The following FGF12 variants were observed in gnomAD, a reference collection of about 807,000 sequenced individuals.
FGF12 encodes fibroblast growth factor 12B.
In FGF12, 14 loss-of-function variants were observed where a neutral mutation model predicts 23.6. The ratio of observed to expected loss-of-function variants is 0.59; its 90% CI spans 0.39 to 0.93. FGF12 has a LOEUF of 0.93. FGF12 is among the 40% of genes least tolerant of loss of function. The pLI, the probability that FGF12 is intolerant of heterozygous loss-of-function variation, is 0.00. For synonymous variants in FGF12, 62 were observed against 77.3 expected, an observed-to-expected ratio of 0.80 and a Z score of 1.04; for missense variants, 175 against 217.8, an observed-to-expected ratio of 0.80 and a Z score of 1.24.
At chr3:192,179,588 C>G (rs558517743) in intron 4 of FGF12, among the ~76,000 whole-genome samples, 1 of 150,050 alleles carries the variant, frequency 6.7e-6, no homozygotes, top group South Asian at 2.1e-4. Context: ...CTCTGTCACT[C>G]AGGCTGGAGT....
intron 2 of FGF12, among the ~76,000 whole-genome samples, chr3:192,507,364 CACACACACACACACACAT>C (rs1316732404): frequency 2.0e-5 from 3 of 150,944 alleles, no homozygotes; most frequent in African/African-American, 7.3e-5. Context: ...CACACACACA[CACACACACACACACACAT>C]ACAAGCACAC....
intron 2 of FGF12, among the ~76,000 whole-genome samples, chr3:192,634,424 T>C (rs995060896): frequency 1.3e-5 from 2 of 152,208 alleles, no homozygotes; most frequent in Non-Finnish European, 2.9e-5. Flanking sequence ...AGACATGATT[T>C]AAATTATACA....
At chr3:192,663,788 G>GA (rs1306251444) in intron 2 of FGF12, among the ~76,000 whole-genome samples, 1,502 of 140,032 alleles carry the variant, frequency 0.011, 22 homozygotes, top group African/African-American at 0.029. Flanking sequence ...AGATGCTAAA[G>GA]AAAAAAAAAA....
intron 2 of FGF12, among the ~76,000 whole-genome samples, chr3:192,472,124 C>T (rs1723191426): frequency 6.6e-6 from 1 of 152,096 alleles, no homozygotes; most frequent in African/African-American, 2.4e-5. Flanking sequence ...TCAAGCAATT[C>T]TCCTGCCTCA....
chr3:192,257,078 C>A (rs1268481923), intron 4 of FGF12, among the ~76,000 whole-genome samples: 2 of 152,096 alleles, frequency 1.3e-5, no homozygotes, highest in Non-Finnish European at 2.9e-5. Context: ...ACTGTAAGAG[C>A]AATCTGTGCA....
intron 2 of FGF12, among the ~76,000 whole-genome samples, chr3:192,560,100 T>G (rs1711949932): frequency 6.6e-6 from 1 of 152,082 alleles, no homozygotes; most frequent in African/African-American, 2.4e-5. Context: ...ATCTTCAATA[T>G]TTTGAAACGA....
intron 2 of FGF12, among the ~76,000 whole-genome samples, chr3:192,712,868 G>C (rs990141521): frequency 6.6e-5 from 10 of 152,054 alleles, no homozygotes; most frequent in Non-Finnish European, 1.2e-4. Context: ...AAGAGACCCT[G>C]GGACCAAAGC....
intron 4 of FGF12, among the ~76,000 whole-genome samples, chr3:192,207,040 GA>G (rs1269348155): frequency 2.0e-5 from 3 of 152,000 alleles, no homozygotes; most frequent in African/African-American, 2.4e-5. Context: ...ATTATATTGG[GA>G]AAAAAATAAC....
At chr3:192,373,286 A>AT (rs10662970) in intron 2 of FGF12, among the ~76,000 whole-genome samples, 8,170 of 141,476 alleles carry the variant, frequency 0.058, 653 homozygotes, top group African/African-American at 0.18. Context: ...GGAAGCAAAC[A>AT]TTTTTTTTTT....
intron 2 of FGF12, among the ~76,000 whole-genome samples, chr3:192,524,769 C>A (rs549914065): frequency 6.6e-6 from 1 of 152,056 alleles, no homozygotes; most frequent in Non-Finnish European, 1.5e-5. Flanking sequence ...TCTCTTTTTT[C>A]CCTTCCACAA....
At chr3:192,481,937 A>T (rs1227563217) in intron 2 of FGF12, among the ~76,000 whole-genome samples, 1 of 152,212 alleles carries the variant, frequency 6.6e-6, no homozygotes, top group African/African-American at 2.4e-5. Flanking sequence ...ACTGCTGGGT[A>T]TTCAAGCATA....
intron 4 of FGF12, among the ~76,000 whole-genome samples, chr3:192,209,373 T>A (rs1717816440): frequency 6.6e-6 from 1 of 152,168 alleles, no homozygotes; most frequent in South Asian, 2.1e-4. Flanking sequence ...GTTCCTAGTG[T>A]CCTCTGGGAA....
At chr3:192,367,634 T>A (rs987848627) in intron 2 of FGF12, among the ~76,000 whole-genome samples, 1 of 152,210 alleles carries the variant, frequency 6.6e-6, no homozygotes, top group Non-Finnish European at 1.5e-5. Context: ...GCAACTCTAC[T>A]GATCTATGGG....
chr3:192,704,836 T>C (rs1718416906), intron 2 of FGF12, among the ~76,000 whole-genome samples: 1 of 152,266 alleles, frequency 6.6e-6, no homozygotes, highest in Non-Finnish European at 1.5e-5. Context: ...CTGCAGCTTC[T>C]ACATTAGCAC....
chr3:192,260,295 CA>C (rs1712668532), intron 4 of FGF12, among the ~76,000 whole-genome samples: 1 of 152,130 alleles, frequency 6.6e-6, no homozygotes, highest in South Asian at 2.1e-4. Context: ...CTGGCTTTCC[CA>C]ATTAGGTTGT....
intron 2 of FGF12, among the ~76,000 whole-genome samples, chr3:192,708,186 C>T (rs1217536272): frequency 6.6e-6 from 1 of 152,058 alleles, no homozygotes; most frequent in African/African-American, 2.4e-5. Context: ...GTCTCGATCT[C>T]CTGACCTCGT....
intron 3 of FGF12, among the ~76,000 whole-genome samples, chr3:192,341,827 A>G (rs1360045643): frequency 2.6e-5 from 4 of 151,440 alleles, no homozygotes; most frequent in African/African-American, 9.7e-5. Flanking sequence ...GCTTCATTGA[A>G]CAGTATATAA....
intron 2 of FGF12, among the ~76,000 whole-genome samples, chr3:192,549,695 T>G (rs1349356364): frequency 6.6e-6 from 1 of 152,154 alleles, no homozygotes; most frequent in African/African-American, 2.4e-5. Context: ...GTGGGCCTTA[T>G]CCATCAATTG....
In FGF12 at chr3:192,497,673, G is replaced by A. The variant is rs76990685; in HGVS notation, c.14-137135C>T. Among the ~76,000 whole-genome samples, 284 of 152,212 alleles carry A rather than the reference G, an allele frequency of 1.9e-3. 12 individuals carry two copies. In the East Asian group the frequency reaches 0.028, roughly 15 times the overall value. On this transcript the variant is annotated intron_variant, in intron 2 of 5. Coordinates refer to ENST00000445105, the MANE Select transcript of FGF12 (RefSeq NM_004113.6). ...ACTTTTCCACCTGCTGTTCCTTCCA[G>A]CTGGGATACACCTTCCCCAGGTATT...
Sources: gnomAD v4.1 joint callset for allele counts (sites outside exome capture counted in the v4.1 genomes callset) on GRCh38, gnomAD v4.1.1 for gene constraint, MANE v1.5 for transcripts, NCBI Gene and HGNC (gene_info 2026-07-23, HGNC 2026-07-21) for gene names.